PMP22: variants seen among roughly 807,000 people sequenced by gnomAD.
PMP22 encodes the protein peripheral myelin protein 22, also known as Charcot-Marie-Tooth neuropathy 1A (greatly reduced nerve conduction velocity, hereditary motor sensory neuropathy Ia).
PMP22 carries 2 observed loss-of-function variants against 18.9 expected under a neutral mutation model. That is an observed-to-expected ratio of 0.11 (90% CI 0.04 to 0.33). PMP22 has a LOEUF of 0.33. PMP22 is among the 10% of genes least tolerant of loss of function. The probability of loss-of-function intolerance (pLI) is 1.00; values close to 1 mark genes in which losing one functional copy is unlikely to be tolerated. For synonymous variants in PMP22, 95 were observed against 89.2 expected (o/e 1.07, Z -0.37); for missense variants, 169 against 202.2 (o/e 0.84, Z 1.00).
intron 4 of PMP22, among the ~76,000 whole-genome samples, chr17:15,232,952 A>G (rs1019685944): frequency 6.6e-6 from 1 of 152,232 alleles, no homozygotes; most frequent in African/African-American, 2.4e-5. Context: ...GTAAACTTAG[A>G]TATCTACAAA....
At chr17:15,232,133 C>T (rs192843632) in intron 4 of PMP22, among the ~76,000 whole-genome samples, 2 of 151,998 alleles carry the variant, frequency 1.3e-5, no homozygotes, top group African/African-American at 4.8e-5. Context: ...CCCGCGCCCC[C>T]CCACCGCCCG....
intron 3 of PMP22, among the ~76,000 whole-genome samples, chr17:15,247,917 T>C (rs1208188360): frequency 1.3e-5 from 2 of 152,132 alleles, no homozygotes; most frequent in Non-Finnish European, 2.9e-5. Flanking sequence ...TGCTAGACTG[T>C]TTTCAAAACA....
intron 3 of PMP22, among the ~76,000 whole-genome samples, chr17:15,244,050 G>A (rs1194549843): frequency 1.3e-5 from 2 of 151,834 alleles, no homozygotes; most frequent in African/African-American, 4.8e-5. Flanking sequence ...TCTCTAGTTC[G>A]CATCATTAAC....
chr17:15,231,304 C>T (rs1265529304), intron 4 of PMP22, among the ~76,000 whole-genome samples: 2 of 152,188 alleles, frequency 1.3e-5, no homozygotes, highest in South Asian at 4.1e-4. Flanking sequence ...GCCTTAATAC[C>T]TGAGGGTTTT....
chr17:15,254,561 C>T (rs1908654682), intron 3 of PMP22, among the ~76,000 whole-genome samples: 1 of 152,166 alleles, frequency 6.6e-6, no homozygotes, highest in South Asian at 2.1e-4. Context: ...CTGTCTCTGG[C>T]CTAGTGACTT....
Position 15,256,458 on chromosome 17 carries a change from A to G in PMP22, c.178+2636T>C, listed in dbSNP as rs528420127. On this transcript the variant is annotated intron_variant, in intron 3 of 4. Coordinates refer to ENST00000312280, the MANE Select transcript of PMP22 (RefSeq NM_000304.4). ...GGAGTTCGAGACCAGCCTGCCCAACATGATGAAACCCCTCTCTACTAAAAA... is the reference window on the plus strand; with the variant it reads ...GGAGTTCGAGACCAGCCTGCCCAACGTGATGAAACCCCTCTCTACTAAAAA... Among the ~76,000 whole-genome samples, 3 of 152,290 alleles carry G rather than the reference A, an allele frequency of 2.0e-5. No homozygotes were observed. In the South Asian group the frequency reaches 6.2e-4, roughly 32 times the overall value.
intron 4 of PMP22, among the ~76,000 whole-genome samples, chr17:15,237,843 T>C (rs1419615644): frequency 6.6e-6 from 1 of 152,170 alleles, no homozygotes; most frequent in African/African-American, 2.4e-5. Flanking sequence ...ATCTCACACA[T>C]GGGCATGAAA....
intron 3 of PMP22, among the ~76,000 whole-genome samples, chr17:15,249,389 G>C (rs568365203): frequency 4.6e-5 from 7 of 152,240 alleles, no homozygotes; most frequent in African/African-American, 1.7e-4. Context: ...AGGCAGACCC[G>C]GTGCAGAAAA....
rs1230228414 is a variant in PMP22 at position 15,258,021 on chromosome 17, C to T, written c.178+1073G>A. 1.3e-5 allele frequency among the ~76,000 whole-genome samples: 2 copies of T among 152,198 alleles called. No individual in the cohort carries two copies. The highest frequency in any genetic ancestry group is 2.9e-5 in the Non-Finnish European group (2 of 68,034). ...GCAAAGCAACTGGATTATGCAAAGC[C>T]AGGACCAAAGGCCACTTCACTGCCT... On this transcript the variant is annotated intron_variant, in intron 3 of 4. Transcript: ENST00000312280. This position sits in a 1 kb window ranked among gnomAD's most constrained non-coding sequence, Gnocchi z 4.1.
intron 3 of PMP22, among the ~76,000 whole-genome samples, chr17:15,247,609 T>C (rs1443275173): frequency 1.3e-5 from 2 of 152,208 alleles, no homozygotes; most frequent in Non-Finnish European, 2.9e-5. Flanking sequence ...CTCAGCTATA[T>C]TCTTAGCCCA....
chr17:15,260,888 G>A (rs1909280792), intron 1 of PMP22, 127 bp from the exon 2 acceptor site: 1 of 651,312 alleles, frequency 1.5e-6, no homozygotes, highest in Non-Finnish European at 2.6e-6. Context: ...CCGACCGCCC[G>A]CGCGGGTCAG....
chr17:15,264,214 G>GTAGA (rs1909554711), intron 1 of PMP22, among the ~76,000 whole-genome samples: 1 of 99,112 alleles, frequency 1.0e-5, no homozygotes, highest in Admixed American at 9.9e-5. Flanking sequence ...ACTCTGATAG[G>GTAGA]TAGGTAGGTA....
intron 4 of PMP22, among the ~76,000 whole-genome samples, chr17:15,234,427 TCAGTGAGA>T (rs1906617345): frequency 6.6e-6 from 1 of 152,162 alleles, no homozygotes; most frequent in Admixed American, 6.5e-5. Context: ...GAAAGGGATG[TCAGTGAGA>T]CCACCAGGGT....
At position 15,231,008 on chromosome 17, in the gene PMP22, G is replaced by A; in HGVS notation, c.392C>T (p.Ser131Phe). The A allele has an allele frequency of 2.5e-6, 4 of 1,614,134 alleles. No individual in the cohort carries two copies. The highest frequency in any genetic ancestry group is 1.7e-5 in the Admixed American group (1 of 60,028). The change falls in exon 5 of 5, where the codon TCC (serine) becomes TTC (phenylalanine). Residue 131 changes from serine to phenylalanine, a missense_variant. By Grantham distance (155) the Ser-to-Phe change is radical. Coordinates refer to ENST00000312280, the MANE Select transcript of PMP22 (RefSeq NM_000304.4). Reference protein sequence around the residue: ...HPEWHLNSDYSYGFAYILAWV... With the variant: ...HPEWHLNSDYFYGFAYILAWV... The stretch of plus-strand genomic sequence containing the variant: ...GGCCAGGATGTAGGCGAAACCGTAG[G>A]AGTAATCCGAGTTGAGATGCCACTC...
At chr17:15,264,872 A>T (rs1346083955) in intron 1 of PMP22, among the ~76,000 whole-genome samples, 1 of 152,072 alleles carries the variant, frequency 6.6e-6, no homozygotes, top group East Asian at 1.9e-4. Flanking sequence ...GCTATTTTCC[A>T]TGGGGGAAAA....
chr17:15,235,851 C>T (rs1363843928), intron 4 of PMP22, among the ~76,000 whole-genome samples: 1 of 152,074 alleles, frequency 6.6e-6, no homozygotes, highest in Non-Finnish European at 1.5e-5. Flanking sequence ...CTCCTAGGTT[C>T]AAGTGATTCT....
Position 15,230,371 on chromosome 17 carries a change from G to A in PMP22, c.*546C>T, listed in dbSNP as rs551380652. The A allele has an allele frequency of 7.0e-6, 1 of 143,438 alleles. No homozygotes were observed. The highest frequency in any genetic ancestry group is 2.2e-4 in the South Asian group (1 of 4,616). 8.9% of individuals were successfully genotyped at this position (143,438 alleles called of 1,614,324 possible). A position where few individuals can be genotyped will look rare whatever the true frequency, so the allele number is the denominator to read the frequency against. On this transcript the variant is annotated 3_prime_UTR_variant, in exon 5 of 5. Transcript: ENST00000312280. ...TCCAGTTTGGGCATTTTGTCCGTGTGCGCGTAAAGCTTCACACAGAGGTTC... is the reference window on the plus strand; with the variant it reads ...TCCAGTTTGGGCATTTTGTCCGTGTACGCGTAAAGCTTCACACAGAGGTTC...
rs975347666 is a variant in PMP22, at chr17:15,259,951, A to G, written c.78+699T>C. On this transcript the variant is annotated intron_variant, in intron 2 of 4. Transcript: ENST00000312280. The stretch of plus-strand genomic sequence containing the variant: ...GAGACTCCATCTCAAAAAAAAAAAA[A>G]AAAAGAAAAGAAAAGAAAAGAAAAC... 3.3e-4 allele frequency among the ~76,000 whole-genome samples: 50 copies of G among 151,432 alleles called. No homozygotes were observed. In the Middle Eastern group the frequency reaches 0.014, roughly 41 times the overall value.
intron 3 of PMP22, among the ~76,000 whole-genome samples, chr17:15,251,302 T>C (rs1033666327): frequency 6.6e-6 from 1 of 152,146 alleles, no homozygotes; most frequent in Admixed American, 6.5e-5. Context: ...CTGCAGAGCA[T>C]GTTCCACTAC....
Sources: allele counts gnomAD v4.1 joint callset (sites outside exome capture counted in the v4.1 genomes callset), GRCh38; gene constraint gnomAD v4.1.1; non-coding constraint Gnocchi (gnomAD v3.1); transcripts MANE v1.5; gene names NCBI Gene and HGNC (gene_info 2026-07-23, HGNC 2026-07-21).